Variants in RANBP17 observed in about 807,000 individuals in gnomAD.
The protein encoded by RANBP17 is ran-binding protein 17.
In RANBP17, 158 loss-of-function variants were observed where a neutral mutation model predicts 141.2. That is an observed-to-expected ratio of 1.12 (90% CI 0.98 to 1.28). The LOEUF (loss-of-function observed/expected upper bound fraction) is 1.28, where lower values mean the gene tolerates loss of function less well. Among genes scored for constraint, RANBP17 ranks in the 50% most tolerant of loss-of-function variants. The pLI is 0.00. For synonymous variants in RANBP17, 430 were observed against 450.0 expected (o/e 0.96, Z 0.56); for missense variants, 1,438 against 1,290.7 (o/e 1.11, Z -1.75).
chr5:171,260,757 A>T (rs943617998), intron 24 of RANBP17, among the ~76,000 whole-genome samples: 1 of 152,156 alleles, frequency 6.6e-6, no homozygotes, highest in East Asian at 1.9e-4. Context: ...TTGGATAGAG[A>T]GTGTCTAAAT....
intron 25 of RANBP17, among the ~76,000 whole-genome samples, chr5:171,274,421 A>G (rs781163143): frequency 6.6e-6 from 1 of 152,170 alleles, no homozygotes; most frequent in Non-Finnish European, 1.5e-5. Flanking sequence ...TATCTTTTCA[A>G]GAATGATCTA....
chr5:170,940,614 G>T (rs1774248551), intron 12 of RANBP17, among the ~76,000 whole-genome samples: 1 of 152,142 alleles, frequency 6.6e-6, no homozygotes, highest in Admixed American at 6.5e-5. Context: ...AAAATTGATA[G>T]TCGTGCAGGG....
chr5:170,949,728 C>G (rs1335571596), intron 12 of RANBP17, among the ~76,000 whole-genome samples: 1 of 152,038 alleles, frequency 6.6e-6, no homozygotes, highest in African/African-American at 2.4e-5. Context: ...TAAGTATACT[C>G]AAGAGAAATG....
intron 16 of RANBP17, among the ~76,000 whole-genome samples, chr5:171,176,075 A>C (rs1462187935): frequency 6.6e-6 from 1 of 152,122 alleles, no homozygotes; most frequent in East Asian, 1.9e-4. Context: ...GATATAAAGA[A>C]ATAATTCCTT....
rs1165014953 is a variant in RANBP17 at position 171,075,316 on chromosome 5, A to T, written c.1711-94814A>T. On this transcript the variant is annotated intron_variant, in intron 14 of 27. Transcript: ENST00000523189. ...ACATAGATTTACAAAATGTAATATA[A>T]AAGACCATATCTTCTTTTCTGCTTG... Among the ~76,000 whole-genome samples, 5 of 152,366 alleles carry T rather than the reference A, an allele frequency of 3.3e-5. No individual in the cohort carries two copies. The South Asian group carries it at 1.0e-3, about 32-fold the overall frequency.
intron 14 of RANBP17, among the ~76,000 whole-genome samples, chr5:171,148,599 GAT>G (rs148405071): frequency 3.6e-4 from 54 of 149,960 alleles, no homozygotes; most frequent in South Asian, 8.4e-4. Context: ...TATCTGTATT[GAT>G]ATATATATAT....
chr5:171,093,844 T>C (rs1442222639), intron 14 of RANBP17, among the ~76,000 whole-genome samples: 1 of 152,186 alleles, frequency 6.6e-6, no homozygotes, highest in Non-Finnish European at 1.5e-5. Context: ...GTTGGAAAGA[T>C]CCCTGGCTTT....
At chr5:171,205,002 A>C (rs1762491296) in intron 19 of RANBP17, among the ~76,000 whole-genome samples, 1 of 152,190 alleles carries the variant, frequency 6.6e-6, no homozygotes, top group African/African-American at 2.4e-5. Flanking sequence ...GGGGAATGTG[A>C]CTGCCATTCT....
intron 14 of RANBP17, among the ~76,000 whole-genome samples, chr5:171,038,986 A>G (rs1782066703): frequency 6.6e-6 from 1 of 152,142 alleles, no homozygotes; most frequent in Admixed American, 6.6e-5. Context: ...ATTTATGGGC[A>G]CCTAGATTAA....
At chr5:170,921,362 G>T (rs1193242111) in intron 11 of RANBP17, among the ~76,000 whole-genome samples, 3 of 152,138 alleles carry the variant, frequency 2.0e-5, no homozygotes, top group East Asian at 1.9e-4. Context: ...TTTCCCCATT[G>T]CTTGTTTTTG....
At chr5:170,953,231 A>G (rs768856003) in intron 12 of RANBP17, among the ~76,000 whole-genome samples, 4 of 152,076 alleles carry the variant, frequency 2.6e-5, no homozygotes, top group Non-Finnish European at 4.4e-5. Context: ...CTGGTCCTAG[A>G]CAGTTTAGTG....
At chr5:171,033,720 T>C (rs1781692612) in intron 14 of RANBP17, among the ~76,000 whole-genome samples, 1 of 152,074 alleles carries the variant, frequency 6.6e-6, no homozygotes, top group African/African-American at 2.4e-5. Context: ...TGTGCATATG[T>C]TCATTCACTC....
rs377561392 is a variant in RANBP17, at chr5:170,919,628, A to T, written c.1274+15A>T. Reference sequence around the variant, plus strand: ...ATAGTTGTGAGGTATTCAAAAACTAAATGTTTTTGTTGTATTTCCTTTTGA... The same window carrying T: ...ATAGTTGTGAGGTATTCAAAAACTATATGTTTTTGTTGTATTTCCTTTTGA... On this transcript the variant is annotated intron_variant, in intron 11 of 27. Coordinates refer to ENST00000523189, the MANE Select transcript of RANBP17 (RefSeq NM_022897.5). The T allele has an allele frequency of 3.3e-6, 5 of 1,536,748 alleles. No homozygotes were observed. The African/African-American group carries it at 4.2e-5, about 13-fold the overall frequency.
intron 5 of RANBP17, among the ~76,000 whole-genome samples, chr5:170,907,669 T>C (rs1237886144): frequency 2.0e-5 from 3 of 151,972 alleles, no homozygotes; most frequent in African/African-American, 7.2e-5. Context: ...TCAAAACTCA[T>C]GTGTTTTAAA....
intron 20 of RANBP17, among the ~76,000 whole-genome samples, chr5:171,213,015 G>C (rs1763000464): frequency 6.6e-6 from 1 of 152,124 alleles, no homozygotes; most frequent in Non-Finnish European, 1.5e-5. Context: ...ATGTTGAGTA[G>C]ATTAATAGTT....
intron 14 of RANBP17, among the ~76,000 whole-genome samples, chr5:171,056,615 C>A (rs1783393880): frequency 6.6e-6 from 1 of 152,082 alleles, no homozygotes; most frequent in South Asian, 2.1e-4. Flanking sequence ...GACAGTGTTT[C>A]TTGTGATTTT....
intron 14 of RANBP17, among the ~76,000 whole-genome samples, chr5:171,127,613 C>T (rs1015018579): frequency 2.5e-4 from 38 of 152,162 alleles, no homozygotes; most frequent in African/African-American, 8.9e-4. Context: ...AAAATCTTCA[C>T]TATTACTAAT....
chr5:170,943,619 A>G (rs562676938), intron 12 of RANBP17, among the ~76,000 whole-genome samples: 30 of 152,266 alleles, frequency 2.0e-4, no homozygotes, highest in Middle Eastern at 3.4e-3. Flanking sequence ...GAAATTTAGT[A>G]TTATTATAAA....
In RANBP17 at chr5:171,298,757, T is replaced by C; in HGVS notation, c.3171-5T>C. On this transcript the variant is annotated splice_region_variant and splice_polypyrimidine_tract_variant and intron_variant, in intron 27 of 27. Transcript: ENST00000523189. ...ACCCTTGACCCTTTCTTCCTCTTTC[T>C]GCAGGTTCACCCAAAATCTGTCTGT... The C allele has an allele frequency of 6.2e-7, 1 of 1,612,820 alleles. No individual in the cohort carries two copies. Among genetic ancestry groups the C allele is most frequent in the East Asian group, 2.2e-5 (1 of 44,880 alleles).
Sources: gnomAD v4.1 joint callset for allele counts (sites outside exome capture counted in the v4.1 genomes callset) on GRCh38, gnomAD v4.1.1 for gene constraint, MANE v1.5 for transcripts, NCBI Gene and HGNC (gene_info 2026-07-23, HGNC 2026-07-21) for gene names.